Variants in SH3PXD2A observed in about 807,000 individuals in gnomAD.
SH3PXD2A encodes the protein SH3 and PX domains 2A, also known as SH3 and PX domain-containing protein 2A.
SH3PXD2A carries 32 observed loss-of-function variants against 115.2 expected under a neutral mutation model. The observed-to-expected ratio is 0.28, with a 90% CI of 0.21 to 0.37. SH3PXD2A has a LOEUF of 0.37. Ranked by LOEUF, SH3PXD2A falls within the 10% of genes least tolerant of loss-of-function variation. The pLI, the probability that SH3PXD2A is intolerant of heterozygous loss-of-function variation, is 1.00. For synonymous variants in SH3PXD2A, 610 were observed against 629.1 expected, an observed-to-expected ratio of 0.97 and a Z score of 0.45; for missense variants, 1,328 against 1,498.7, an observed-to-expected ratio of 0.89 and a Z score of 1.88.
intron 1 of SH3PXD2A, among the ~76,000 whole-genome samples, chr10:103,843,529 A>G (rs552167080): frequency 6.6e-6 from 1 of 152,302 alleles, no homozygotes; most frequent in Admixed American, 6.5e-5. Context: ...CAAGGGGAAT[A>G]CAAATTTGAA....
chr10:103,702,244 A>G (rs997206392), intron 5 of SH3PXD2A, among the ~76,000 whole-genome samples: 7 of 152,250 alleles, frequency 4.6e-5, no homozygotes, highest in Non-Finnish European at 8.8e-5. Flanking sequence ...AGTCTTGTGT[A>G]TGAAGTAAGA....
intron 13 of SH3PXD2A, among the ~76,000 whole-genome samples, chr10:103,608,150 T>TAA (rs1554903074): frequency 3.1e-5 from 1 of 32,658 alleles, no homozygotes; most frequent in Non-Finnish European, 4.5e-5. Context: ...ATGATCAATT[T>TAA]AAAAAAAAAA....
At chr10:103,686,913 A>AT (rs1420030746) in intron 6 of SH3PXD2A, among the ~76,000 whole-genome samples, 1 of 151,796 alleles carries the variant, frequency 6.6e-6, no homozygotes, top group Non-Finnish European at 1.5e-5. Context: ...CGTCCAGCTA[A>AT]TTTTTTGTAT....
chr10:103,731,471 C>T (rs534223255), intron 4 of SH3PXD2A, among the ~76,000 whole-genome samples: 65 of 152,156 alleles, frequency 4.3e-4, no homozygotes, highest in Non-Finnish European at 7.8e-4. Context: ...CTCTGAAGGT[C>T]TTTAAGGAGA....
At chr10:103,753,487 C>G (rs999070295) in intron 3 of SH3PXD2A, among the ~76,000 whole-genome samples, 1 of 135,696 alleles carries the variant, frequency 7.4e-6, no homozygotes, top group Non-Finnish European at 1.5e-5. Flanking sequence ...CAGAGCAAGA[C>G]CCCATCTCAA....
rs372046930 is a variant in SH3PXD2A at position 103,771,211 on chromosome 10, G to A, written c.154-4042C>T. Among the ~76,000 whole-genome samples the A allele has an allele frequency of 2.6e-5, 4 of 152,150 alleles. No individual in the cohort carries two copies. The East Asian group carries it at 5.8e-4, about 22-fold the overall frequency. Reference sequence around the variant, plus strand: ...CACCCAAGGTGCTATATCTCTCTGGGGCTTAAGGGAGTTAGGCTACCAAAA... The same window carrying A: ...CACCCAAGGTGCTATATCTCTCTGGAGCTTAAGGGAGTTAGGCTACCAAAA... On this transcript the variant is annotated intron_variant, in intron 2 of 14. Transcript: ENST00000369774.
chr10:103,744,137 G>T (rs1231149442), intron 3 of SH3PXD2A, among the ~76,000 whole-genome samples: 1 of 151,858 alleles, frequency 6.6e-6, no homozygotes, highest in Non-Finnish European at 1.5e-5. Context: ...GTGGCTGAAT[G>T]GCAGGCCCCT....
rs769022949 is a variant in SH3PXD2A at position 103,602,986 on chromosome 10, A to G, written c.2232T>C (p.Ala744=). 1.2e-6 allele frequency: 2 copies of G among 1,614,206 alleles called. No homozygotes were observed. The highest frequency in any genetic ancestry group is 1.7e-6 in the Non-Finnish European group (2 of 1,180,038). Residue 744 remains alanine, a synonymous_variant, in exon 15 of 15, where the codon GCT becomes GCC. Coordinates refer to ENST00000369774, the MANE Select transcript of SH3PXD2A (RefSeq NM_001394015.1). ...VRAKKDADAN[A]GLTSCPRAKP... ...TGGCCCGGGGACAGGAGGTCAGCCC[A>G]GCGTTCGCATCAGCATCCTTCTTTG...
At chr10:103,668,767 C>T (rs1045440000) in intron 6 of SH3PXD2A, 115 bp from the exon 7 acceptor site, 81 of 931,072 alleles carry the variant, frequency 8.7e-5, no homozygotes, top group Middle Eastern at 4.2e-4. Flanking sequence ...CGGCCAGCCG[C>T]GGGCGGAAGG....
At chr10:103,823,139 G>A (rs1426777275) in intron 1 of SH3PXD2A, among the ~76,000 whole-genome samples, 2 of 152,216 alleles carry the variant, frequency 1.3e-5, no homozygotes, top group African/African-American at 2.4e-5. Context: ...GTTCAAAGAT[G>A]TTTTTGGCAG....
In SH3PXD2A at chr10:103,597,311, C is replaced by G. The variant is rs1305564212; in HGVS notation, c.*4505G>C. The G allele has an allele frequency of 6.6e-6, 1 of 152,468 alleles. No homozygotes were observed. Among genetic ancestry groups the G allele is most frequent in the African/African-American group, 2.4e-5 (1 of 41,472 alleles). The allele number at this position is 152,468 out of a possible 1,614,324, so 9.4% of individuals were successfully genotyped here. A position where few individuals can be genotyped will look rare whatever the true frequency, so the allele number is the denominator to read the frequency against. The stretch of plus-strand genomic sequence containing the variant: ...GACTTCTAGGCTTCCTGCCTAGAAA[C>G]TGAACTGAGGGCACCCAGTTTTAGA... On this transcript the variant is annotated 3_prime_UTR_variant, in exon 15 of 15. Coordinates refer to ENST00000369774, the MANE Select transcript of SH3PXD2A (RefSeq NM_001394015.1).
chr10:103,720,249 A>G (rs2038165727), intron 5 of SH3PXD2A, among the ~76,000 whole-genome samples: 1 of 152,242 alleles, frequency 6.6e-6, no homozygotes, highest in Non-Finnish European at 1.5e-5. Context: ...AAATCCCATT[A>G]TCCTTCCGTG....
At chr10:103,668,156 A>G (rs990004136) in intron 7 of SH3PXD2A, among the ~76,000 whole-genome samples, 3 of 152,382 alleles carry the variant, frequency 2.0e-5, no homozygotes, top group African/African-American at 7.2e-5. Context: ...TTACCTGCCT[A>G]AAGTGAGATG....
chr10:103,614,863 T>C (rs1274750641), intron 11 of SH3PXD2A, among the ~76,000 whole-genome samples: 1 of 151,870 alleles, frequency 6.6e-6, no homozygotes, highest in Non-Finnish European at 1.5e-5. Context: ...ATGTCTGAGC[T>C]TTGCGAGAAA....
At chr10:103,792,492 T>C (rs988873163) in intron 2 of SH3PXD2A, among the ~76,000 whole-genome samples, 6 of 152,240 alleles carry the variant, frequency 3.9e-5, no homozygotes, top group African/African-American at 1.4e-4. Context: ...GTCTGGCGTC[T>C]CTGTGCCAGT....
intron 5 of SH3PXD2A, among the ~76,000 whole-genome samples, chr10:103,697,379 C>A (rs779042112): frequency 2.0e-5 from 3 of 152,202 alleles, no homozygotes; most frequent in Non-Finnish European, 4.4e-5. Context: ...GTGGCAAAGA[C>A]CTGTTTAAAC....
chr10:103,648,835 C>T (rs920196198), intron 8 of SH3PXD2A, among the ~76,000 whole-genome samples: 4 of 152,232 alleles, frequency 2.6e-5, no homozygotes, highest in Admixed American at 6.5e-5. Context: ...CGTGCCCCCT[C>T]GCGTGCGTGT....
intron 8 of SH3PXD2A, among the ~76,000 whole-genome samples, chr10:103,638,053 T>C (rs2036893494): frequency 6.6e-6 from 1 of 152,118 alleles, no homozygotes; most frequent in Non-Finnish European, 1.5e-5. Flanking sequence ...GACACGCGCC[T>C]CCATGGTCCA....
chr10:103,699,146 G>A (rs762174142), intron 5 of SH3PXD2A, among the ~76,000 whole-genome samples: 32 of 152,166 alleles, frequency 2.1e-4, no homozygotes, highest in South Asian at 4.1e-4. Context: ...TCAAAGTCCA[G>A]TGCTGAATGT....
Sources: gnomAD v4.1 joint callset for allele counts (sites outside exome capture counted in the v4.1 genomes callset) on GRCh38, gnomAD v4.1.1 for gene constraint, MANE v1.5 for transcripts, NCBI Gene and HGNC (gene_info 2026-07-23, HGNC 2026-07-21) for gene names.